Variants in USH2A observed in about 807,000 individuals in gnomAD.
USH2A encodes the protein Usher syndrome 2A (autosomal recessive, mild).
Under a neutral mutation model 538.9 loss-of-function variants are expected in USH2A, and 443 were observed. The ratio of observed to expected loss-of-function variants is 0.82; its 90% CI spans 0.76 to 0.89. The LOEUF is 0.89. USH2A is among the 40% of genes least tolerant of loss of function. The pLI, the probability that USH2A is intolerant of heterozygous loss-of-function variation, is 0.00. For missense variants in USH2A, 6,633 were observed against 6,324.8 expected, an observed-to-expected ratio of 1.05 and a Z score of -1.65; for synonymous variants, 2,413 against 2,273.5, an observed-to-expected ratio of 1.06 and a Z score of -1.75.
At chr1:216,374,937 A>T (rs1393047293) in intron 3 of USH2A, among the ~76,000 whole-genome samples, 1 of 151,930 alleles carries the variant, frequency 6.6e-6, no homozygotes, top group African/African-American at 2.4e-5. Context: ...AGGAACAAAG[A>T]TTCGGTGCTA....
chr1:216,021,558 C>T (rs1425502119), intron 32 of USH2A, among the ~76,000 whole-genome samples: 2 of 152,096 alleles, frequency 1.3e-5, no homozygotes, highest in Non-Finnish European at 2.9e-5. Flanking sequence ...CTAATACGTG[C>T]CCTGAAGATT....
At chr1:215,934,554 A>G in intron 38 of USH2A, 62 bp downstream of exon 38, 1 of 1,540,924 alleles carries the variant, frequency 6.5e-7, no homozygotes, top group Admixed American at 1.7e-5. Context: ...AAGGTATTCA[A>G]TGGAAACTTA....
intron 3 of USH2A, among the ~76,000 whole-genome samples, chr1:216,370,699 A>AAAAAAAAAAAAAAAAAAAAAC (rs2038696721): frequency 1.3e-5 from 2 of 150,360 alleles, no homozygotes; most frequent in Non-Finnish European, 3.0e-5. Context: ...AAAAAAAAAA[A>AAAAAAAAAAAAAAAAAAAAAC]AAATACTCAA....
intron 14 of USH2A, among the ~76,000 whole-genome samples, chr1:216,222,034 T>C (rs2035465702): frequency 6.6e-6 from 1 of 152,228 alleles, no homozygotes; most frequent in Admixed American, 6.5e-5. Flanking sequence ...AGAAGCTGAA[T>C]GGCCATTCAC....
At chr1:215,882,641 A>C (rs542523478) in intron 41 of USH2A, among the ~76,000 whole-genome samples, 63 of 152,250 alleles carry the variant, frequency 4.1e-4, no homozygotes, top group African/African-American at 1.4e-3. Flanking sequence ...TCGTACAAGC[A>C]AAGCAAATAT....
intron 48 of USH2A, among the ~76,000 whole-genome samples, chr1:215,815,118 A>ATT (rs5780855): frequency 3.3e-5 from 5 of 150,842 alleles, no homozygotes; most frequent in African/African-American, 4.9e-5. Flanking sequence ...GAACTTTACA[A>ATT]TTTTTTTTTT....
rs115696335 is a variant in USH2A, at chr1:216,357,849, A to G, written c.784+7104T>C. On this transcript the variant is annotated intron_variant, in intron 4 of 71. Transcript: ENST00000307340. Reference sequence around the variant, plus strand: ...ATGACATTGCTGACTCCTCATAACTACATATCTGCTAACACAAGTGCTCCA... The same window carrying G: ...ATGACATTGCTGACTCCTCATAACTGCATATCTGCTAACACAAGTGCTCCA... Among the ~76,000 whole-genome samples the G allele has an allele frequency of 4.5e-3, 691 of 152,280 alleles. 6 individuals carry two copies. The highest frequency in any genetic ancestry group is 0.015 in the African/African-American group (637 of 41,564).
At chr1:215,688,751 T>A (rs1202938010) in intron 61 of USH2A, among the ~76,000 whole-genome samples, 2 of 152,102 alleles carry the variant, frequency 1.3e-5, no homozygotes, top group Non-Finnish European at 2.9e-5. Context: ...GAAGGTCCCA[T>A]CTTTATGACC....
chr1:215,754,568 G>C lies in USH2A; in HGVS notation c.11389+4027C>G, dbSNP rs114550261. ...CAATTTAGCCAGTATTTTGGCTTTA[G>C]ACCATGAGTGTCCAATCTTTTGGCT... On this transcript the variant is annotated intron_variant, in intron 58 of 71. Transcript: ENST00000307340. 8.3e-3 allele frequency among the ~76,000 whole-genome samples: 1,258 copies of C among 151,828 alleles called. 15 individuals are homozygous for C. Among genetic ancestry groups the C allele is most frequent in the African/African-American group, 0.028 (1,161 of 41,422 alleles).
intron 35 of USH2A, among the ~76,000 whole-genome samples, chr1:215,971,945 G>A (rs898380804): frequency 6.6e-6 from 1 of 152,172 alleles, no homozygotes; most frequent in African/African-American, 2.4e-5. Flanking sequence ...ACAAAGCATA[G>A]TAGTATCATG....
At chr1:215,758,427 T>C (rs1660875683) in intron 58 of USH2A, among the ~76,000 whole-genome samples, 168 bp downstream of exon 58, 2 of 152,322 alleles carry the variant, frequency 1.3e-5, no homozygotes, top group South Asian at 2.1e-4. Flanking sequence ...ATGTATGTAC[T>C]CATGCGTCTA....
intron 21 of USH2A, among the ~76,000 whole-genome samples, chr1:216,166,582 A>G (rs1443718475): frequency 2.0e-5 from 3 of 152,150 alleles, no homozygotes; most frequent in Non-Finnish European, 4.4e-5. Context: ...ACCAGCAGGT[A>G]GTTCCAAGAG....
intron 43 of USH2A, among the ~76,000 whole-genome samples, chr1:215,875,943 A>AT (rs1664756282): frequency 6.8e-6 from 1 of 147,084 alleles, no homozygotes; most frequent in Non-Finnish European, 1.5e-5. Context: ...ATATATAATT[A>AT]ATAATGTATA....
At chr1:215,884,854 C>G (rs1458730909) in intron 41 of USH2A, among the ~76,000 whole-genome samples, 1 of 152,094 alleles carries the variant, frequency 6.6e-6, no homozygotes, top group Non-Finnish European at 1.5e-5. Context: ...TGTGGCGCAC[C>G]TGCCAAGGCT....
intron 58 of USH2A, among the ~76,000 whole-genome samples, chr1:215,757,926 TC>T: frequency 6.6e-6 from 1 of 152,234 alleles, no homozygotes; most frequent in South Asian, 2.1e-4. Flanking sequence ...AATGATCCAA[TC>T]TAAGGAGTCC....
chr1:216,226,991 C>T lies in USH2A; in HGVS notation c.2993+4962G>A, dbSNP rs2035575667. Among the ~76,000 whole-genome samples the T allele has an allele frequency of 2.0e-5, 3 of 152,186 alleles. No individual in the cohort carries two copies. In the South Asian group the frequency reaches 6.2e-4, roughly 32 times the overall value. ...CTGGTCTCTCCAACTGCAGGAGACACATGTCACCCTTCAAGGGATCAAATA... is the reference window on the plus strand; with the variant it reads ...CTGGTCTCTCCAACTGCAGGAGACATATGTCACCCTTCAAGGGATCAAATA... On this transcript the variant is annotated intron_variant, in intron 14 of 71. Coordinates refer to ENST00000307340, the MANE Select transcript of USH2A (RefSeq NM_206933.4).
chr1:215,912,927 C>T (rs1665850601), intron 38 of USH2A, among the ~76,000 whole-genome samples: 1 of 152,102 alleles, frequency 6.6e-6, no homozygotes, highest in South Asian at 2.1e-4. Flanking sequence ...TGCAGCCATA[C>T]CATGAATTAG....
At chr1:216,120,647 A>G (rs2033118170) in intron 21 of USH2A, among the ~76,000 whole-genome samples, 1 of 151,866 alleles carries the variant, frequency 6.6e-6, no homozygotes, top group Admixed American at 6.6e-5. Context: ...CCAAAGTGCT[A>G]GGACCACAAG....
intron 61 of USH2A, among the ~76,000 whole-genome samples, chr1:215,699,161 C>T (rs960696825): frequency 6.6e-6 from 1 of 152,030 alleles, no homozygotes; most frequent in Admixed American, 6.6e-5. Flanking sequence ...GGCCTCTGTT[C>T]TGTTTCATTG....
Sources: gnomAD v4.1 joint callset for allele counts (sites outside exome capture counted in the v4.1 genomes callset) on GRCh38, gnomAD v4.1.1 for gene constraint, MANE v1.5 for transcripts, NCBI Gene and HGNC (gene_info 2026-07-23, HGNC 2026-07-21) for gene names.